Variants in ATP10A observed in about 807,000 individuals in gnomAD.
ATP10A encodes the protein ATPase phospholipid transporting 10A (putative).
In ATP10A, 111 loss-of-function variants were observed where a neutral mutation model predicts 147.8. That is an observed-to-expected ratio of 0.75 (90% CI 0.64 to 0.88). The LOEUF (loss-of-function observed/expected upper bound fraction) is 0.88, where lower values mean the gene tolerates loss of function less well. Among genes scored for constraint, ATP10A ranks in the 40% least tolerant of loss-of-function variants. The probability of loss-of-function intolerance (pLI) is 0.00; values close to 1 mark genes in which losing one functional copy is unlikely to be tolerated. For missense variants in ATP10A, 1,927 were observed against 1,959.0 expected, an observed-to-expected ratio of 0.98 and a Z score of 0.31; for synonymous variants, 875 against 841.6, an observed-to-expected ratio of 1.04 and a Z score of -0.69.
intron 1 of ATP10A, among the ~76,000 whole-genome samples, chr15:25,829,808 G>A (rs570052572): frequency 3.9e-5 from 6 of 152,128 alleles, no homozygotes; most frequent in Admixed American, 1.3e-4. Flanking sequence ...GTGAGGGTAC[G>A]GGGGAGGGAC....
intron 3 of ATP10A, 100 bp from the exon 4 acceptor site, chr15:25,727,366 G>C (rs1414539352): frequency 1.9e-6 from 2 of 1,051,824 alleles, no homozygotes; most frequent in African/African-American, 3.1e-5. Context: ...CACAATGAAA[G>C]CTTGGGGCCG....
At chr15:25,819,992 C>G (rs922522223) in intron 1 of ATP10A, among the ~76,000 whole-genome samples, 2 of 152,078 alleles carry the variant, frequency 1.3e-5, no homozygotes, top group Non-Finnish European at 2.9e-5. Flanking sequence ...GTGGTAGATA[C>G]ATTAAAAGCC....
chr15:25,684,487 C>A (rs1235366281), intron 16 of ATP10A, among the ~76,000 whole-genome samples: 2 of 152,160 alleles, frequency 1.3e-5, no homozygotes, highest in African/African-American at 2.4e-5. Context: ...TATAGGTGAT[C>A]GCCTACGGTG....
intron 1 of ATP10A, among the ~76,000 whole-genome samples, chr15:25,809,671 G>T (rs1168272600): frequency 6.6e-6 from 1 of 151,306 alleles, no homozygotes. Context: ...TATGTACTAC[G>T]TGCCTGAGAA....
intron 14 of ATP10A, among the ~76,000 whole-genome samples, chr15:25,692,757 C>A (rs1406641979): frequency 6.6e-6 from 1 of 152,184 alleles, no homozygotes; most frequent in Non-Finnish European, 1.5e-5. Context: ...CCACTGGGCA[C>A]TAGGAGTAGG....
chr15:25,775,552 C>T (rs1361401255), intron 2 of ATP10A, among the ~76,000 whole-genome samples: 1 of 152,226 alleles, frequency 6.6e-6, no homozygotes. Context: ...CTCCTTTTAT[C>T]TTTCTTCCTT....
intron 1 of ATP10A, among the ~76,000 whole-genome samples, chr15:25,786,270 G>A (rs1890155171): frequency 6.6e-6 from 1 of 152,172 alleles, no homozygotes; most frequent in South Asian, 2.1e-4. Flanking sequence ...GCAGCCACAG[G>A]TCTGCCTCCA....
Position 25,695,066 on chromosome 15 carries a change from C to G in ATP10A, c.2841G>C (p.Lys947Asn). 6.2e-7 allele frequency: 1 copy of G among 1,614,166 alleles called. No homozygotes were observed. The highest frequency in any genetic ancestry group is 8.5e-7 in the Non-Finnish European group (1 of 1,180,046). ...RGLQRAPEKT[K>N]GKVSMRFSSL... Reference sequence around the variant, plus strand: ...AGGAGAACCTCATGCTCACTTTGCCCTTGGTCTTCTCAGGGGCTCTCTGGA... The same window carrying G: ...AGGAGAACCTCATGCTCACTTTGCCGTTGGTCTTCTCAGGGGCTCTCTGGA... The change falls in exon 14 of 21, where the codon AAG becomes AAC. Residue 947 changes from lysine (K) to asparagine (N), a missense_variant. Physicochemically the swap from Lys to Asn is moderately conservative, Grantham distance 94. Coordinates refer to ENST00000555815, the MANE Select transcript of ATP10A (RefSeq NM_024490.4).
intron 16 of ATP10A, 25 bp from the exon 17 acceptor site, chr15:25,683,511 G>C (rs770116410): frequency 1.3e-6 from 2 of 1,591,404 alleles, no homozygotes; most frequent in African/African-American, 1.4e-5. Flanking sequence ...GGAAGAACAG[G>C]AACAGGCGAG....
At chr15:25,790,649 T>C (rs559118884) in intron 1 of ATP10A, among the ~76,000 whole-genome samples, 1 of 152,230 alleles carries the variant, frequency 6.6e-6, no homozygotes, top group Non-Finnish European at 1.5e-5. Context: ...GAAACACTAG[T>C]TTGCGAAAGC....
chr15:25,850,392 T>C (rs1311015742), intron 1 of ATP10A, among the ~76,000 whole-genome samples: 1 of 152,064 alleles, frequency 6.6e-6, no homozygotes, highest in African/African-American at 2.4e-5. Context: ...ATGCGTTTTG[T>C]ACGGGGAACA....
intron 1 of ATP10A, chr15:25,862,417 C>T (rs1893801933): frequency 1.5e-6 from 1 of 651,426 alleles, no homozygotes; most frequent in Non-Finnish European, 2.8e-6. Context: ...CAGGGGATCC[C>T]CACGCGTCCC....
At chr15:25,838,141 C>T (rs1892669376) in intron 1 of ATP10A, among the ~76,000 whole-genome samples, 1 of 152,224 alleles carries the variant, frequency 6.6e-6, no homozygotes, top group African/African-American at 2.4e-5. Context: ...AAAGTCCATA[C>T]CCTGTCTGGA....
In ATP10A at chr15:25,678,923, T is replaced by C. The variant is rs1379370206; in HGVS notation, c.*418A>G. The C allele has an allele frequency of 6.6e-6, 1 of 152,526 alleles. No individual in the cohort carries two copies. The highest frequency in any genetic ancestry group is 1.5e-5 in the Non-Finnish European group (1 of 68,070). The allele number at this position is 152,526 out of a possible 1,614,324, so 9.4% of individuals were successfully genotyped here. On this transcript the variant is annotated 3_prime_UTR_variant, in exon 21 of 21. Coordinates refer to ENST00000555815, the MANE Select transcript of ATP10A (RefSeq NM_024490.4). ...TCCTGTGTCAGTGAGACTGGAAGCC[T>C]CTGGGGGCCATGTGCTCTGCCCTCT...
chr15:25,696,898 G>A (rs1042529246), intron 13 of ATP10A, among the ~76,000 whole-genome samples: 6 of 152,220 alleles, frequency 3.9e-5, no homozygotes, highest in Admixed American at 2.0e-4. Flanking sequence ...GTCTGCTGCC[G>A]CAGACTCCAA....
In ATP10A at chr15:25,713,813, C is replaced by T. The variant is rs776296320; in HGVS notation, c.2205G>A (p.Glu735=). The change falls in exon 10 of 21, where the codon GAG becomes GAA. Residue 735 remains glutamate, a synonymous_variant. Coordinates refer to ENST00000555815, the MANE Select transcript of ATP10A (RefSeq NM_024490.4). ...AATCGAAACCCAGTGTGTGCAGGAG[C>T]TCGAAGGTGAGCCTGCCCAGGTGGG... ...ELPHLGRLTF[E]LLHTLGFDSV... is the part of the protein sequence containing the mutation. The T allele has an allele frequency of 6.2e-7, 1 of 1,614,098 alleles. No homozygotes were observed. Among genetic ancestry groups the T allele is most frequent in the East Asian group, 2.2e-5 (1 of 44,872 alleles).
At chr15:25,769,745 T>C (rs934181512) in intron 2 of ATP10A, among the ~76,000 whole-genome samples, 2 of 152,136 alleles carry the variant, frequency 1.3e-5, no homozygotes, top group Non-Finnish European at 2.9e-5. Flanking sequence ...CATCCAGGAA[T>C]GGCGGTTACT....
chr15:25,696,477 G>T (rs574985517), intron 13 of ATP10A, among the ~76,000 whole-genome samples: 11 of 152,364 alleles, frequency 7.2e-5, no homozygotes, highest in African/African-American at 2.6e-4. Flanking sequence ...TCCCACAGCA[G>T]TGGAGACTCC....
chr15:25,683,165 T>C (rs1268809230), intron 17 of ATP10A, 121 bp downstream of exon 17: 4 of 934,848 alleles, frequency 4.3e-6, no homozygotes, highest in South Asian at 3.3e-5. Context: ...TGGTGAATTC[T>C]AGAATTTCAG....
Sources: gnomAD v4.1 joint callset for allele counts (sites outside exome capture counted in the v4.1 genomes callset) on GRCh38, gnomAD v4.1.1 for gene constraint, MANE v1.5 for transcripts, NCBI Gene and HGNC (gene_info 2026-07-23, HGNC 2026-07-21) for gene names.